Variants in XYLT1 observed in about 807,000 individuals in gnomAD.
XYLT1 encodes beta-D-xylosyltransferase 1.
XYLT1 carries 36 observed loss-of-function variants against 91.3 expected under a neutral mutation model. The observed-to-expected ratio is 0.39, with a 90% CI of 0.30 to 0.52. XYLT1 has a LOEUF of 0.52. Among genes scored for constraint, XYLT1 ranks in the 20% least tolerant of loss-of-function variants. XYLT1 has a pLI of 0.68. For synonymous variants in XYLT1, 588 were observed against 532.0 expected (o/e 1.11, Z -1.45); for missense variants, 1,242 against 1,284.5 (o/e 0.97, Z 0.51).
At chr16:17,417,531 G>A (rs116497409) in intron 1 of XYLT1, among the ~76,000 whole-genome samples, 12 of 151,930 alleles carry the variant, frequency 7.9e-5, no homozygotes, top group Admixed American at 2.6e-4. Flanking sequence ...CTTTTTCCAG[G>A]CCAAACTACT....
chr16:17,185,333 G>C (rs1335607621), intron 5 of XYLT1, among the ~76,000 whole-genome samples: 1 of 152,224 alleles, frequency 6.6e-6, no homozygotes, highest in Non-Finnish European at 1.5e-5. Context: ...GTCTCCTTGT[G>C]AACAACAGTC....
At chr16:17,190,565 A>G (rs1375962278) in intron 5 of XYLT1, among the ~76,000 whole-genome samples, 1 of 151,332 alleles carries the variant, frequency 6.6e-6, no homozygotes, top group Non-Finnish European at 1.5e-5. Context: ...TGTCCTTGCG[A>G]TAGTTTGCCA....
At chr16:17,214,221 G>A (rs2032814070) in intron 3 of XYLT1, among the ~76,000 whole-genome samples, 1 of 152,172 alleles carries the variant, frequency 6.6e-6, no homozygotes, top group African/African-American at 2.4e-5. Flanking sequence ...TAGCCACTCT[G>A]GAAAGGCTAC....
intron 3 of XYLT1, among the ~76,000 whole-genome samples, chr16:17,237,876 A>C (rs1268147569): frequency 6.6e-6 from 1 of 152,178 alleles, no homozygotes; most frequent in Non-Finnish European, 1.5e-5. Flanking sequence ...CCTTATTTCC[A>C]AGTCAGTATT....
chr16:17,129,558 G>A (rs370912548), intron 9 of XYLT1, among the ~76,000 whole-genome samples: 2 of 152,100 alleles, frequency 1.3e-5, no homozygotes, highest in Non-Finnish European at 2.9e-5. Flanking sequence ...CAGCCACTGC[G>A]CCAGGCCAAA....
intron 5 of XYLT1, among the ~76,000 whole-genome samples, chr16:17,180,749 T>A (rs1395893563): frequency 6.6e-6 from 1 of 152,194 alleles, no homozygotes; most frequent in African/African-American, 2.4e-5. Context: ...CAAGACTAGA[T>A]TCCAGGTTCT....
chr16:17,315,877 A>G (rs192640977), intron 2 of XYLT1, among the ~76,000 whole-genome samples: 84 of 152,304 alleles, frequency 5.5e-4, no homozygotes, highest in Middle Eastern at 3.4e-3. Flanking sequence ...AGTCCCTGGT[A>G]GGAGGTCCTT....
chr16:17,264,105 G>A (rs2033766389), intron 2 of XYLT1, among the ~76,000 whole-genome samples: 1 of 152,104 alleles, frequency 6.6e-6, no homozygotes, highest in South Asian at 2.1e-4. Flanking sequence ...GCAAATTGTT[G>A]TATATTGTTG....
chr16:17,413,624 G>A (rs2036141950), intron 1 of XYLT1, among the ~76,000 whole-genome samples: 1 of 151,974 alleles, frequency 6.6e-6, no homozygotes, highest in Non-Finnish European at 1.5e-5. Flanking sequence ...TTTTTGTAGA[G>A]ATGGGGTTTC....
At position 17,415,524 on chromosome 16, in the gene XYLT1, C is replaced by T. The variant is rs567806719; in HGVS notation, c.363+54910G>A. Reference sequence around the variant, plus strand: ...GGGCAACATGGTGAAACCCCATCTCCACTAAAAAATACAAAAAATTAGCTG... The same window carrying T: ...GGGCAACATGGTGAAACCCCATCTCTACTAAAAAATACAAAAAATTAGCTG... On this transcript the variant is annotated intron_variant, in intron 1 of 11. Transcript: ENST00000261381. Among the ~76,000 whole-genome samples, 30 of 152,194 alleles carry T rather than the reference C, an allele frequency of 2.0e-4. No individual in the cohort carries two copies. The South Asian group carries it at 5.6e-3, about 28-fold the overall frequency.
chr16:17,147,762 A>AT (rs150683540), intron 6 of XYLT1, among the ~76,000 whole-genome samples: 19,289 of 152,004 alleles, frequency 0.13, 1,709 homozygotes, highest in African/African-American at 0.25. Flanking sequence ...AGGGATTTGC[A>AT]TTTTTTCTTC....
intron 2 of XYLT1, among the ~76,000 whole-genome samples, chr16:17,344,805 A>G (rs910877480): frequency 2.6e-5 from 4 of 151,330 alleles, no homozygotes; most frequent in South Asian, 2.1e-4. Context: ...GATTCAAGTG[A>G]TTCTCCTGCC....
chr16:17,425,720 C>T lies in XYLT1; in HGVS notation c.363+44714G>A, dbSNP rs2036309570. Among the ~76,000 whole-genome samples the T allele has an allele frequency of 3.3e-5, 5 of 152,328 alleles. No individual in the cohort carries two copies. In the South Asian group the frequency reaches 1.0e-3, roughly 32 times the overall value. Reference sequence around the variant, plus strand: ...TTCCACCCTGAATGGTTTTCTTTCCCCCAGCACACAGCCAGGCTGGTTCCT... The same window carrying T: ...TTCCACCCTGAATGGTTTTCTTTCCTCCAGCACACAGCCAGGCTGGTTCCT... On this transcript the variant is annotated intron_variant, in intron 1 of 11. Coordinates refer to ENST00000261381, the MANE Select transcript of XYLT1 (RefSeq NM_022166.4).
chr16:17,358,155 G>C, intron 1 of XYLT1, 105 bp from the exon 2 acceptor site: 1 of 1,197,150 alleles, frequency 8.4e-7, no homozygotes, highest in Admixed American at 2.5e-5. Flanking sequence ...TAAGAGACAG[G>C]GTCTCGCTTT....
intron 7 of XYLT1, 60 bp from the exon 8 acceptor site, chr16:17,138,591 G>T: frequency 6.4e-7 from 1 of 1,572,064 alleles, no homozygotes; most frequent in Non-Finnish European, 8.7e-7. Context: ...GATGAACTGG[G>T]GTGGGAAATG....
At chr16:17,232,789 G>A (rs992745979) in intron 3 of XYLT1, among the ~76,000 whole-genome samples, 1 of 151,916 alleles carries the variant, frequency 6.6e-6, no homozygotes, top group Non-Finnish European at 1.5e-5. Context: ...ATGAGGTGGC[G>A]GCCTTCGTCA....
chr16:17,460,047 T>A (rs1242921697), intron 1 of XYLT1, among the ~76,000 whole-genome samples: 1 of 152,160 alleles, frequency 6.6e-6, no homozygotes, highest in African/African-American at 2.4e-5. Flanking sequence ...TCAAATTTAA[T>A]CCTCACAACC....
intron 9 of XYLT1, among the ~76,000 whole-genome samples, chr16:17,129,095 A>AC (rs1443577416): frequency 6.7e-6 from 1 of 150,118 alleles, no homozygotes; most frequent in Non-Finnish European, 1.5e-5. Context: ...AAAAAAAAAA[A>AC]AACTTGAACA....
chr16:17,154,127 T>C (rs956295234), intron 6 of XYLT1, among the ~76,000 whole-genome samples: 2 of 152,224 alleles, frequency 1.3e-5, no homozygotes, highest in East Asian at 1.9e-4. Context: ...GGGGCCTTCC[T>C]GTGGCCAGTG....
Sources: gnomAD v4.1 joint callset for allele counts (sites outside exome capture counted in the v4.1 genomes callset) on GRCh38, gnomAD v4.1.1 for gene constraint, MANE v1.5 for transcripts, NCBI Gene and HGNC (gene_info 2026-07-23, HGNC 2026-07-21) for gene names.